Variants in TMEM117 observed in about 807,000 individuals in gnomAD.
The protein encoded by TMEM117 is transmembrane protein 117.
TMEM117 carries 27 observed loss-of-function variants against 52.4 expected under a neutral mutation model. The observed-to-expected ratio is 0.51, with a 90% CI of 0.38 to 0.71. TMEM117 has a LOEUF of 0.71. Ranked by LOEUF, TMEM117 falls within the 30% of genes least tolerant of loss-of-function variation. TMEM117 has a pLI of 0.00. For synonymous variants in TMEM117, 215 were observed against 206.3 expected, an observed-to-expected ratio of 1.04 and a Z score of -0.36; for missense variants, 556 against 630.5, an observed-to-expected ratio of 0.88 and a Z score of 1.26.
intron 3 of TMEM117, among the ~76,000 whole-genome samples, chr12:43,969,653 C>T (rs61933009): frequency 0.066 from 10,010 of 152,132 alleles, 408 homozygotes; most frequent in Middle Eastern, 0.14. Flanking sequence ...TTCTCTCTCA[C>T]TAAAAGGTTT....
intron 6 of TMEM117, among the ~76,000 whole-genome samples, chr12:44,301,977 C>G (rs913366306): frequency 6.6e-6 from 1 of 152,068 alleles, no homozygotes; most frequent in Non-Finnish European, 1.5e-5. Context: ...AAAAATTAGC[C>G]CCAAAATTTA....
chr12:44,349,841 A>T (rs1951538058), intron 6 of TMEM117, among the ~76,000 whole-genome samples: 1 of 152,042 alleles, frequency 6.6e-6, no homozygotes, highest in South Asian at 2.1e-4. Flanking sequence ...ATAAAAGATG[A>T]CTGAGACCTA....
At chr12:44,016,772 A>G (rs11182382) in intron 3 of TMEM117, among the ~76,000 whole-genome samples, 50,271 of 152,056 alleles carry the variant, frequency 0.33, 13,149 homozygotes, top group African/African-American at 0.73. Flanking sequence ...AAGTATTGGG[A>G]GAGTACCCTG....
At chr12:44,377,712 A>G (rs548114343) in intron 7 of TMEM117, among the ~76,000 whole-genome samples, 21 of 152,326 alleles carry the variant, frequency 1.4e-4, no homozygotes, top group African/African-American at 4.8e-4. Context: ...ACAATGGCCT[A>G]GGATCCCACA....
intron 3 of TMEM117, among the ~76,000 whole-genome samples, chr12:44,065,719 A>G (rs567300924): frequency 6.6e-6 from 1 of 152,314 alleles, no homozygotes; most frequent in African/African-American, 2.4e-5. Context: ...AGAAAGGGAG[A>G]ATGAGTTCAT....
At chr12:44,317,884 C>T (rs572726619) in intron 6 of TMEM117, among the ~76,000 whole-genome samples, 55 of 152,268 alleles carry the variant, frequency 3.6e-4, no homozygotes, top group Admixed American at 2.9e-3. Context: ...CATGAGGGAA[C>T]CAAGAGAGTA....
intron 3 of TMEM117, among the ~76,000 whole-genome samples, chr12:44,135,872 A>G (rs1472450761): frequency 6.6e-6 from 1 of 152,178 alleles, no homozygotes; most frequent in Non-Finnish European, 1.5e-5. Flanking sequence ...ACTTGCCTCC[A>G]CTGACACATA....
chr12:44,360,691 A>C lies in TMEM117; in HGVS notation c.769-15904A>C, dbSNP rs1299966983. On this transcript the variant is annotated intron_variant, in intron 6 of 7. Transcript: ENST00000266534. ...AAACTGTCAGGCCAGTGTTTTTCCA[A>C]ATGGCAATCAATCTAAATGATGTCG... Among the ~76,000 whole-genome samples the C allele has an allele frequency of 2.0e-5, 3 of 152,186 alleles. No individual in the cohort carries two copies. The East Asian group carries it at 5.8e-4, about 29-fold the overall frequency.
intron 3 of TMEM117, among the ~76,000 whole-genome samples, chr12:44,118,038 T>TA (rs532341334): frequency 1.4e-3 from 215 of 149,062 alleles, no homozygotes; most frequent in Middle Eastern, 3.4e-3. Flanking sequence ...ACTTCTTTAT[T>TA]AAAAAAAAAA....
At chr12:44,223,294 T>C (rs1949815305) in intron 5 of TMEM117, among the ~76,000 whole-genome samples, 1 of 151,988 alleles carries the variant, frequency 6.6e-6, no homozygotes, top group Non-Finnish European at 1.5e-5. Context: ...CAGTCCTCAG[T>C]TCTTGGGCCA....
At chr12:44,212,144 G>A (rs904222333) in intron 5 of TMEM117, among the ~76,000 whole-genome samples, 2 of 152,098 alleles carry the variant, frequency 1.3e-5, no homozygotes, top group Non-Finnish European at 2.9e-5. Context: ...ACCCTTGGTC[G>A]ACTGCAGTCT....
chr12:43,918,878 A>C (rs1056191821), intron 2 of TMEM117, among the ~76,000 whole-genome samples: 1 of 152,252 alleles, frequency 6.6e-6, no homozygotes, highest in African/African-American at 2.4e-5. Flanking sequence ...ATCTCTGTAC[A>C]ATTTGATACT....
At chr12:44,117,231 T>C (rs1948159600) in intron 3 of TMEM117, among the ~76,000 whole-genome samples, 1 of 152,222 alleles carries the variant, frequency 6.6e-6, no homozygotes, top group Non-Finnish European at 1.5e-5. Context: ...ATATATTGTT[T>C]CTTCTACCTG....
At chr12:44,052,318 T>C (rs753561242) in intron 3 of TMEM117, among the ~76,000 whole-genome samples, 15 of 152,136 alleles carry the variant, frequency 9.9e-5, no homozygotes, top group Non-Finnish European at 2.1e-4. Context: ...TTTATCTGGT[T>C]ACTTTTAGTG....
In TMEM117 at chr12:44,388,467, G is replaced by A. The variant is rs377182983; in HGVS notation, c.1340G>A (p.Gly447Glu). 2.5e-6 allele frequency: 4 copies of A among 1,613,192 alleles called. No individual in the cohort carries two copies. The highest frequency in any genetic ancestry group is 3.4e-6 in the Non-Finnish European group (4 of 1,179,686). Residue 447 changes from glycine (G) to glutamate (E), a missense_variant, in exon 8 of 8, where the codon GGA becomes GAA. Gly to Glu is a moderately conservative substitution (Grantham distance 98). This residue lies in a region of TMEM117 where 206 missense variants were observed against 211.1 expected (regional missense o/e 0.98). Coordinates refer to ENST00000266534, the MANE Select transcript of TMEM117 (RefSeq NM_032256.3). ...CCATCAGAACATAGCAAAGACATGG[G>A]AATCACTCGAGAAAACACCCAGGCT... ...KSPSEHSKDM[G>E]ITRENTQASV...
chr12:44,008,830 T>C (rs1946244238), intron 3 of TMEM117: 1 of 443,568 alleles, frequency 2.3e-6, no homozygotes, highest in Non-Finnish European at 4.5e-6. Context: ...CCATATGAAT[T>C]ATTTGGTATG....
chr12:43,966,152 T>C (rs754656916), intron 3 of TMEM117, among the ~76,000 whole-genome samples: 5 of 152,214 alleles, frequency 3.3e-5, no homozygotes, highest in Non-Finnish European at 5.9e-5. Context: ...TAATCCACCA[T>C]TGATAGGCAC....
chr12:44,067,465 T>C (rs576809468), intron 3 of TMEM117, among the ~76,000 whole-genome samples: 2 of 152,338 alleles, frequency 1.3e-5, no homozygotes, highest in East Asian at 3.9e-4. Flanking sequence ...CCTTGATCCA[T>C]GGGTTGCAGA....
rs566346317 is a variant in TMEM117 at position 44,228,644 on chromosome 12, T to A, written c.608+17257T>A. ...ATGGATACCTAATCAGAGAACTGAA[T>A]GACTGGAAGGAATGAGCCATGTGAA... On this transcript the variant is annotated intron_variant, in intron 5 of 7. Coordinates refer to ENST00000266534, the MANE Select transcript of TMEM117 (RefSeq NM_032256.3). Among the ~76,000 whole-genome samples the A allele has an allele frequency of 1.5e-3, 230 of 152,202 alleles. 2 individuals carry two copies. The highest frequency in any genetic ancestry group is 5.2e-3 in the African/African-American group (217 of 41,556).
Sources: gnomAD v4.1 joint callset for allele counts (sites outside exome capture counted in the v4.1 genomes callset) on GRCh38, gnomAD v4.1.1 for gene constraint, gnomAD v4.1.1 regional missense constraint, MANE v1.5 for transcripts, NCBI Gene and HGNC (gene_info 2026-07-23, HGNC 2026-07-21) for gene names.